Variants in NAP1L1 observed in about 807,000 individuals in gnomAD.
NAP1L1 encodes the protein nucleosome assembly protein 1 like 1, also known as nucleosome assembly protein 1-like 1.
In NAP1L1, 9 loss-of-function variants were observed where a neutral mutation model predicts 58.9. That is an observed-to-expected ratio of 0.15 (90% CI 0.09 to 0.27). NAP1L1 has a LOEUF of 0.27. Among genes scored for constraint, NAP1L1 ranks in the 10% least tolerant of loss-of-function variants. The pLI, the probability that NAP1L1 is intolerant of heterozygous loss-of-function variation, is 1.00. For missense variants in NAP1L1, 302 were observed against 458.8 expected (o/e 0.66, Z 3.12); for synonymous variants, 130 against 138.3 (o/e 0.94, Z 0.42).
chr12:76,053,945 T>TAC, intron 8 of NAP1L1, 36 bp from the exon 9 acceptor site: 3 of 1,576,326 alleles, frequency 1.9e-6, no homozygotes, highest in Non-Finnish European at 2.6e-6. Flanking sequence ...GTTAAATACC[T>TAC]ACCTCACATA....
intron 6 of NAP1L1, among the ~76,000 whole-genome samples, chr12:76,058,271 CCT>C (rs1592638794): frequency 6.8e-6 from 1 of 146,972 alleles, no homozygotes; most frequent in East Asian, 2.0e-4. Flanking sequence ...TGGCATTTTC[CCT>C]GTTCTGTACA....
At chr12:76,054,824 T>C (rs1413289985) in intron 8 of NAP1L1, among the ~76,000 whole-genome samples, 195 bp downstream of exon 8, 2 of 152,228 alleles carry the variant, frequency 1.3e-5, no homozygotes, top group African/African-American at 4.8e-5. Flanking sequence ...ACAAGGATTG[T>C]CTGTGTTTCA....
chr12:76,083,473 C>CA (rs34033928), intron 1 of NAP1L1, among the ~76,000 whole-genome samples: 18,576 of 87,988 alleles, frequency 0.21, 1,050 homozygotes, highest in South Asian at 0.25. Context: ...CTTTTTTTTC[C>CA]AAAAAAAAAA....
At position 76,042,015 on chromosome 12, in the gene NAP1L1, A is replaced by G. The variant is rs1365280986; in HGVS notation, c.*6414T>C. ...TAAAATAAAACAAGAAAGGAATGAG[A>G]TGAGATTTTCAAACCTAGCTCACTT... On this transcript the variant is annotated 3_prime_UTR_variant, in exon 15 of 15. Coordinates refer to ENST00000618691, the MANE Select transcript of NAP1L1 (RefSeq NM_004537.7). 3 of 152,204 alleles carry G rather than the reference A, an allele frequency of 2.0e-5. No homozygotes were observed. The highest frequency in any genetic ancestry group is 2.9e-5 in the Non-Finnish European group (2 of 68,038). 9.4% of individuals were successfully genotyped at this position (152,204 alleles called of 1,614,324 possible).
intron 2 of NAP1L1, among the ~76,000 whole-genome samples, chr12:76,071,165 GGCCAACT>G (rs1670547160): frequency 6.6e-6 from 1 of 152,096 alleles, no homozygotes; most frequent in African/African-American, 2.4e-5. Flanking sequence ...AGACACAGAG[GGCCAACT>G]GCAGTTAGAG....
intron 2 of NAP1L1, among the ~76,000 whole-genome samples, chr12:76,073,069 C>T (rs1950030005): frequency 6.6e-6 from 1 of 151,872 alleles, no homozygotes; most frequent in African/African-American, 2.4e-5. Context: ...GAGACAATCA[C>T]TTTGGGAACC....
chr12:76,072,282 CAAG>C lies in NAP1L1; in HGVS notation c.17+1918_17+1920del, dbSNP rs536778379. On this transcript the variant is annotated intron_variant, in intron 2 of 14. Coordinates refer to ENST00000618691, the MANE Select transcript of NAP1L1 (RefSeq NM_004537.7). ...AGAAAAGACATTATCATCAATGAAA[CAAG>C]AAGAGGATGCTATTTAAAAAAAAAA... Among the ~76,000 whole-genome samples the C allele has an allele frequency of 6.9e-3, 923 of 132,828 alleles. 6 individuals are homozygous for C. The highest frequency in any genetic ancestry group is 0.046 in the Middle Eastern group (12 of 262). The allele number at this position is 132,828 out of a possible 152,430, so 87.1% of individuals were successfully genotyped here. A position where few individuals can be genotyped will look rare whatever the true frequency, so the allele number is the denominator to read the frequency against.
chr12:76,077,179 A>C (rs1375499647), intron 1 of NAP1L1, among the ~76,000 whole-genome samples: 1 of 152,240 alleles, frequency 6.6e-6, no homozygotes, highest in Non-Finnish European at 1.5e-5. Flanking sequence ...TTTACAGTTT[A>C]AATTCTTAAA....
Position 76,054,760 on chromosome 12 carries a change from GAAA to G in NAP1L1, c.630+256_630+258del, listed in dbSNP as rs1184240208. On this transcript the variant is annotated intron_variant, in intron 8 of 14. Transcript: ENST00000618691. ...TCCCAAGCTCATGCCTTTTAATGCA[GAAA>G]AAGTACTTATTCATGTTCCCTTGGC... is the stretch of plus-strand genomic sequence containing the variant. 2.6e-5 allele frequency among the ~76,000 whole-genome samples: 4 copies of G among 152,150 alleles called. No homozygotes were observed. The South Asian group carries it at 8.3e-4, about 32-fold the overall frequency.
chr12:76,057,664 T>C, intron 6 of NAP1L1: 1 of 1,444,162 alleles, frequency 6.9e-7, no homozygotes, highest in Non-Finnish European at 9.5e-7. Flanking sequence ...ACCAATAGAG[T>C]ACTGTGAATA....
intron 1 of NAP1L1, among the ~76,000 whole-genome samples, 158 bp downstream of exon 1, chr12:76,084,409 G>T (rs1950534333): frequency 6.6e-6 from 1 of 152,202 alleles, no homozygotes; most frequent in Admixed American, 6.5e-5. Context: ...CGGACTCCGC[G>T]GTCCTGTCCG....
intron 1 of NAP1L1, among the ~76,000 whole-genome samples, chr12:76,080,389 T>TC (rs758792720): frequency 1.3e-5 from 2 of 152,210 alleles, no homozygotes; most frequent in Non-Finnish European, 2.9e-5. Flanking sequence ...TAGAGTACAC[T>TC]CCAACTTATT....
In NAP1L1 at chr12:76,048,165, AC is replaced by A; in HGVS notation, c.*263del. The A allele has an allele frequency of 2.3e-6, 1 of 431,624 alleles. No homozygotes were observed. The highest frequency in any genetic ancestry group is 4.1e-6 in the Non-Finnish European group (1 of 243,796). The allele number at this position is 431,624 out of a possible 1,614,324, so 26.7% of individuals were successfully genotyped here. On this transcript the variant is annotated 3_prime_UTR_variant, in exon 15 of 15. Coordinates refer to ENST00000618691, the MANE Select transcript of NAP1L1 (RefSeq NM_004537.7). ...TTTTCATAGCTGTACTCCAAGAGCT[AC>A]ATAAAAATATTCCAGAAGAACCAAA...
intron 1 of NAP1L1, among the ~76,000 whole-genome samples, chr12:76,081,035 C>G (rs10785229): frequency 0.56 from 84,236 of 151,742 alleles, 24,983 homozygotes; most frequent in East Asian, 0.96. Flanking sequence ...TGGGTCCCCT[C>G]GATCTTGGAT....
At chr12:76,070,054 G>GA (rs150750721) in intron 2 of NAP1L1, among the ~76,000 whole-genome samples, 1,569 of 151,364 alleles carry the variant, frequency 0.01, 14 homozygotes, top group Middle Eastern at 0.045. Context: ...TGCAAGTACA[G>GA]AAAAAAATCA....
chr12:76,067,578 T>C (rs372837793), intron 3 of NAP1L1, 105 bp from the exon 4 acceptor site: 16 of 827,404 alleles, frequency 1.9e-5, no homozygotes, highest in African/African-American at 1.0e-4. Context: ...GGCCCATAAA[T>C]TGCTGGTATA....
At position 76,042,065 on chromosome 12, in the gene NAP1L1, G is replaced by GT. The variant is rs1230375892; in HGVS notation, c.*6363dup. On this transcript the variant is annotated 3_prime_UTR_variant, in exon 15 of 15. Transcript: ENST00000618691. ...TTAGGTTAAGGTCAATTTTTTTTTT[G>GT]TTTTTTACACATAAAATCTTCAAAA... The GT allele has an allele frequency of 6.7e-6, 1 of 150,020 alleles. No homozygotes were observed. The highest frequency in any genetic ancestry group is 2.5e-5 in the African/African-American group (1 of 40,594). The allele number at this position is 150,020 out of a possible 1,614,324, so 9.3% of individuals were successfully genotyped here. A position where few individuals can be genotyped will look rare whatever the true frequency, so the allele number is the denominator to read the frequency against.
At chr12:76,054,994 TATAA>T in intron 8 of NAP1L1, 21 bp downstream of exon 8, 3 of 1,539,388 alleles carry the variant, frequency 1.9e-6, no homozygotes, top group Non-Finnish European at 2.7e-6. Context: ...GTTACAAAAT[TATAA>T]ATATTTCAAA....
chr12:76,068,798 G>T, intron 3 of NAP1L1, 111 bp downstream of exon 3: 1 of 661,892 alleles, frequency 1.5e-6, no homozygotes, highest in Non-Finnish European at 2.7e-6. Context: ...TGGACCAGTA[G>T]ATAAATGGGA....
Sources: gnomAD v4.1 joint callset for allele counts (sites outside exome capture counted in the v4.1 genomes callset) on GRCh38, gnomAD v4.1.1 for gene constraint, MANE v1.5 for transcripts, NCBI Gene and HGNC (gene_info 2026-07-23, HGNC 2026-07-21) for gene names.